Variants in CACNA1C observed in about 807,000 individuals in gnomAD.
CACNA1C encodes the protein voltage-dependent L-type calcium channel subunit alpha-1C.
In CACNA1C, 30 loss-of-function variants were observed where a neutral mutation model predicts 229.0. The observed-to-expected ratio is 0.13, with a 90% confidence interval of 0.10 to 0.18. The LOEUF (loss-of-function observed/expected upper bound fraction) is 0.18, where lower values mean the gene tolerates loss of function less well. Among genes scored for constraint, CACNA1C ranks in the 10% least tolerant of loss-of-function variants. The pLI, the probability that CACNA1C is intolerant of heterozygous loss-of-function variation, is 1.00. For missense variants in CACNA1C, 1,658 were observed against 2,845.0 expected (o/e 0.58, Z 9.49); for synonymous variants, 1,114 against 1,132.5 (o/e 0.98, Z 0.33).
intron 3 of CACNA1C, chr12:2,223,325 A>T (rs1410041581): frequency 6.6e-6 from 1 of 152,044 alleles, no homozygotes; most frequent in Non-Finnish European, 1.5e-5. Context: ...TTTCTTGGGG[A>T]CTCCCAGCTC....
At chr12:2,628,092 G>A (rs553619956) in intron 29 of CACNA1C, among the ~76,000 whole-genome samples, 1 of 152,222 alleles carries the variant, frequency 6.6e-6, no homozygotes, top group African/African-American at 2.4e-5. Context: ...AAAGGTGTGC[G>A]GACTTCGTCG....
rs1251100659 is a variant in CACNA1C at position 2,694,180 on chromosome 12, T to C, written c.*2981T>C. The C allele has an allele frequency of 6.6e-6, 1 of 152,240 alleles. No individual in the cohort carries two copies. The highest frequency in any genetic ancestry group is 2.4e-5 in the African/African-American group (1 of 41,454). 9.4% of individuals were successfully genotyped at this position (152,240 alleles called of 1,614,324 possible). A position where few individuals can be genotyped will look rare whatever the true frequency, so the allele number is the denominator to read the frequency against. On this transcript the variant is annotated 3_prime_UTR_variant, in exon 47 of 47. Coordinates refer to ENST00000399655, the MANE Select transcript of CACNA1C (RefSeq NM_000719.7). ...ATCCTAGCTTGACCTTCTGATCCACTAGAATAAGACTGGCGTATGATGCCT... is the reference window on the plus strand; with the variant it reads ...ATCCTAGCTTGACCTTCTGATCCACCAGAATAAGACTGGCGTATGATGCCT...
At chr12:2,003,899 C>T (rs547310881) in intron 1 of CACNA1C, among the ~76,000 whole-genome samples, 9 of 152,214 alleles carry the variant, frequency 5.9e-5, no homozygotes, top group African/African-American at 1.9e-4. Context: ...GTCTGCTGTC[C>T]CTGCCTCCCC....
chr12:2,654,542 G>A lies in CACNA1C; in HGVS notation c.4141-605G>A, dbSNP rs1054703481. ...CAGGGCGCCCACACTAGCCCAAAGC[G>A]CTTCCTCGGCCGCTCCTTCAGGAAG... On this transcript the variant is annotated intron_variant, in intron 33 of 46. Coordinates refer to ENST00000399655, the MANE Select transcript of CACNA1C (RefSeq NM_000719.7). This position sits in a 1 kb window ranked among gnomAD's most constrained non-coding sequence, Gnocchi z 4.4. Among the ~76,000 whole-genome samples, 4 of 152,316 alleles carry A rather than the reference G, an allele frequency of 2.6e-5. No homozygotes were observed. Among genetic ancestry groups the A allele is most frequent in the Non-Finnish European group, 5.9e-5 (4 of 68,024 alleles).
At chr12:2,545,386 G>A (rs919077932) in intron 9 of CACNA1C, among the ~76,000 whole-genome samples, 2 of 151,940 alleles carry the variant, frequency 1.3e-5, no homozygotes, top group East Asian at 1.9e-4. Context: ...ATTGGTCATC[G>A]TCAACTTCCC....
At chr12:2,298,032 AGAC>A (rs2094219538) in intron 3 of CACNA1C, among the ~76,000 whole-genome samples, 1 of 152,176 alleles carries the variant, frequency 6.6e-6, no homozygotes, top group Non-Finnish European at 1.5e-5. Context: ...CATCTAAAGG[AGAC>A]GACATCACAG....
chr12:2,135,410 G>T (rs1042562307), intron 3 of CACNA1C, among the ~76,000 whole-genome samples: 3 of 143,422 alleles, frequency 2.1e-5, no homozygotes, highest in African/African-American at 8.3e-5. Flanking sequence ...CAGTTTTTCT[G>T]TTCTGTTTTT....
rs140865825 is a variant in CACNA1C at position 2,524,947 on chromosome 12, G to A, written c.1390+11963G>A. 5.3e-3 allele frequency among the ~76,000 whole-genome samples: 813 copies of A among 152,282 alleles called. 9 individuals are homozygous for A. The highest frequency in any genetic ancestry group is 0.019 in the African/African-American group (778 of 41,544). On this transcript the variant is annotated intron_variant, in intron 9 of 46. Coordinates refer to ENST00000399655, the MANE Select transcript of CACNA1C (RefSeq NM_000719.7). ...GTCACACGGCCAAAAGATCGCAACC[G>A]GACCTTCTAAGCTGAGGGGGCTACA... is the stretch of plus-strand genomic sequence containing the variant.
At chr12:2,030,187 T>C (rs967424808) in intron 1 of CACNA1C, among the ~76,000 whole-genome samples, 3 of 152,196 alleles carry the variant, frequency 2.0e-5, no homozygotes, top group African/African-American at 7.2e-5. Flanking sequence ...TTCTTGTCTA[T>C]AAACATGAAC....
rs367790910 is a variant in CACNA1C at position 2,608,637 on chromosome 12, C to T, written c.3483C>T (p.Phe1161=). 29 of 1,613,684 alleles carry T rather than the reference C, an allele frequency of 1.8e-5. No individual in the cohort carries two copies. The highest frequency in any genetic ancestry group is 2.3e-5 in the Non-Finnish European group (27 of 1,179,584). ...TCGCCTTCTTCATGATGAACATCTTCGTGGGCTTCGTCATCGTCACCTTTC... is the reference window on the plus strand; with the variant it reads ...TCGCCTTCTTCATGATGAACATCTTTGTGGGCTTCGTCATCGTCACCTTTC... The part of the protein sequence containing the change: ...IIIAFFMMNI[F]VGFVIVTFQE... The change falls in exon 27 of 47, where the codon TTC becomes TTT. Residue 1161 remains phenylalanine (F), a synonymous_variant. Coordinates refer to ENST00000399655, the MANE Select transcript of CACNA1C (RefSeq NM_000719.7). The surrounding 1 kb of genome is among the most constrained non-coding windows in gnomAD (Gnocchi z 4.2).
At chr12:2,274,530 G>C (rs1555390210) in intron 3 of CACNA1C, among the ~76,000 whole-genome samples, 1 of 152,182 alleles carries the variant, frequency 6.6e-6, no homozygotes, top group Non-Finnish European at 1.5e-5. Flanking sequence ...AACAGTGACG[G>C]TGAGCACAGC....
intron 29 of CACNA1C, among the ~76,000 whole-genome samples, chr12:2,623,170 G>C (rs982269641): frequency 6.6e-6 from 1 of 152,206 alleles, no homozygotes; most frequent in African/African-American, 2.4e-5. Context: ...GTGGGACAAG[G>C]GTTTAGGATT....
At chr12:2,527,882 A>T (rs1333353578) in intron 9 of CACNA1C, among the ~76,000 whole-genome samples, 4 of 152,186 alleles carry the variant, frequency 2.6e-5, no homozygotes, top group Non-Finnish European at 5.9e-5. Flanking sequence ...GTTGCTAACC[A>T]TCAGGCCGAG....
intron 26 of CACNA1C, chr12:2,607,828 C>G (rs1267516040): frequency 6.6e-6 from 1 of 152,234 alleles, no homozygotes; most frequent in Non-Finnish European, 1.5e-5. Context: ...AAGTCAACAG[C>G]AATGCATGGA....
chr12:2,438,338 A>ATAATGATGATGGTGGTGG (rs1567683349), intron 3 of CACNA1C, among the ~76,000 whole-genome samples: 1 of 43,804 alleles, frequency 2.3e-5, no homozygotes, highest in Non-Finnish European at 4.8e-5. Flanking sequence ...GATGGTGATG[A>ATAATGATGATGGTGGTGG]TAATGATGAT....
chr12:2,679,397 G>T lies in CACNA1C; in HGVS notation c.5092-47G>T, dbSNP rs2097009449. The T allele has an allele frequency of 7.3e-7, 1 of 1,365,314 alleles. No homozygotes were observed. The highest frequency in any genetic ancestry group is 9.9e-7 in the Non-Finnish European group (1 of 1,013,180). The allele number at this position is 1,365,314 out of a possible 1,614,324, so 84.6% of individuals were successfully genotyped here. ...CTGTGGAGGCTGCTCTCTGGGAGGA[G>T]TGGGTGCTAAGGGGCTTCTCCACCC... On this transcript the variant is annotated intron_variant, in intron 41 of 46. Coordinates refer to ENST00000399655, the MANE Select transcript of CACNA1C (RefSeq NM_000719.7). The surrounding 1 kb of genome is among the most constrained non-coding windows in gnomAD (Gnocchi z 5.5).
chr12:2,213,283 A>G (rs1439740160), intron 3 of CACNA1C, among the ~76,000 whole-genome samples: 3 of 152,076 alleles, frequency 2.0e-5, no homozygotes, highest in Middle Eastern at 6.8e-3. Context: ...CCTCCCAGGG[A>G]TTTTTTTACT....
chr12:2,677,807 G>T lies in CACNA1C; in HGVS notation c.5031G>T (p.Glu1677Asp). The change falls in exon 41 of 47, where the codon GAG becomes GAT. Residue 1677 changes from glutamate to aspartate, a missense_variant. By Grantham distance (45) the Glu-to-Asp change is conservative (BLOSUM62 2). Transcript: ENST00000399655. The surrounding 1 kb of genome is among the most constrained non-coding windows in gnomAD (Gnocchi z 7.4). ...RAISGDLTAEEELDKAMKEAV... is the reference protein window; with the variant it reads ...RAISGDLTAEDELDKAMKEAV... ...TCTCTGGAGATCTCACCGCTGAGGA[G>T]GAGCTGGACAAGGCCATGAAGGAGG... is the stretch of plus-strand genomic sequence containing the variant. 6.2e-7 allele frequency: 1 copy of T among 1,614,020 alleles called. No homozygotes were observed. The highest frequency in any genetic ancestry group is 8.5e-7 in the Non-Finnish European group (1 of 1,179,874).
intron 9 of CACNA1C, among the ~76,000 whole-genome samples, chr12:2,526,832 C>T (rs917763141): frequency 7.9e-5 from 12 of 152,202 alleles, no homozygotes; most frequent in African/African-American, 2.9e-4. Context: ...TAAAAATACA[C>T]GTCCATTGCA....
Sources: gnomAD v4.1 joint callset for allele counts (sites outside exome capture counted in the v4.1 genomes callset) on GRCh38, gnomAD v4.1.1 for gene constraint, Gnocchi (gnomAD v3.1) non-coding constraint, MANE v1.5 for transcripts, NCBI Gene and HGNC (gene_info 2026-07-23, HGNC 2026-07-21) for gene names.